The following KCNAB2 variants were observed in gnomAD, a reference collection of about 807,000 sequenced individuals.
The protein encoded by KCNAB2 is voltage-gated potassium channel subunit beta-2.
Under a neutral mutation model 63.6 loss-of-function variants are expected in KCNAB2, and 29 were observed. The ratio of observed to expected loss-of-function variants is 0.46; its 90% CI spans 0.34 to 0.62. The LOEUF is 0.62. Ranked by LOEUF, KCNAB2 falls within the 20% of genes least tolerant of loss-of-function variation. KCNAB2 has a pLI of 0.01. For missense variants in KCNAB2, 359 were observed against 563.9 expected, an observed-to-expected ratio of 0.64 and a Z score of 3.68; for synonymous variants, 222 against 224.2, an observed-to-expected ratio of 0.99 and a Z score of 0.09.
At chr1:6,083,280 C>T (rs1447543648) in intron 5 of KCNAB2, among the ~76,000 whole-genome samples, 2 of 152,206 alleles carry the variant, frequency 1.3e-5, no homozygotes, top group African/African-American at 2.4e-5. Flanking sequence ...AGGCACCTCC[C>T]GTCCCGAGCC....
In KCNAB2 at chr1:6,061,990, G is replaced by A. The variant is rs189543149; in HGVS notation, c.218+10236G>A. Among the ~76,000 whole-genome samples, 39 of 152,078 alleles carry A rather than the reference G, an allele frequency of 2.6e-4. 1 individual carries two copies. Among genetic ancestry groups the A allele is most frequent in the Admixed American group, 1.3e-4 (2 of 15,256 alleles). On this transcript the variant is annotated intron_variant, in intron 2 of 15. Transcript: ENST00000378083. Reference sequence around the variant, plus strand: ...GCTGTGTGTTTTATACAGACTTTCCGGCAAAGAATAAACCCACTGATTGCT... The same window carrying A: ...GCTGTGTGTTTTATACAGACTTTCCAGCAAAGAATAAACCCACTGATTGCT...
chr1:6,091,708 A>C (rs1665202836), intron 10 of KCNAB2, among the ~76,000 whole-genome samples: 1 of 151,484 alleles, frequency 6.6e-6, no homozygotes, highest in Non-Finnish European at 1.5e-5. Flanking sequence ...ACCCCAAAAC[A>C]CGCGGCCCCC....
At chr1:6,005,930 TCCACCC>T (rs1657657699) in intron 1 of KCNAB2, among the ~76,000 whole-genome samples, 1 of 72,734 alleles carries the variant, frequency 1.4e-5, no homozygotes, top group African/African-American at 8.2e-5. Flanking sequence ...ATCCCCCCAC[TCCACCC>T]TCACCCCTCA....
chr1:6,060,685 AC>A (rs1662233822), intron 2 of KCNAB2, among the ~76,000 whole-genome samples: 2 of 152,126 alleles, frequency 1.3e-5, no homozygotes. Flanking sequence ...GTGGCGGATC[AC>A]AAGGTCAAGA....
intron 1 of KCNAB2, among the ~76,000 whole-genome samples, chr1:6,048,964 C>T (rs926697995): frequency 1.3e-5 from 2 of 152,254 alleles, no homozygotes; most frequent in East Asian, 1.9e-4. Context: ...CCCTCCAGAG[C>T]GATTCTCCTG....
chr1:6,072,221 G>A (rs1317281228), intron 2 of KCNAB2, among the ~76,000 whole-genome samples: 1 of 152,218 alleles, frequency 6.6e-6, no homozygotes, highest in East Asian at 1.9e-4. Flanking sequence ...ACAAAGGAAG[G>A]GCTGGCCTTG....
chr1:6,041,632 C>T (rs1660505317), upstream of KCNAB2: 20 of 578,564 alleles, frequency 3.5e-5, no homozygotes, highest in East Asian at 4.9e-4. Flanking sequence ...CCGTGGCCAC[C>T]GGGTGGCGCT....
chr1:6,059,586 C>G (rs1158888414), intron 2 of KCNAB2, among the ~76,000 whole-genome samples: 2 of 152,266 alleles, frequency 1.3e-5, no homozygotes. Flanking sequence ...GGAGCACCAC[C>G]CATGTGCTGG....
At chr1:6,095,676 C>G (rs371802598) in intron 13 of KCNAB2, 52 bp downstream of exon 13, 6 of 1,548,540 alleles carry the variant, frequency 3.9e-6, no homozygotes, top group Non-Finnish European at 5.3e-6. Context: ...GCATTTTGGA[C>G]GGGTGGGACC....
rs1663899598 is a variant in KCNAB2 at position 6,078,564 on chromosome 1, C to T, written c.301-3631C>T. Among the ~76,000 whole-genome samples, 5 of 151,690 alleles carry T rather than the reference C, an allele frequency of 3.3e-5. No homozygotes were observed. Among genetic ancestry groups the T allele is most frequent in the Non-Finnish European group, 4.4e-5 (3 of 67,972 alleles). On this transcript the variant is annotated intron_variant, in intron 4 of 15. Transcript: ENST00000378083. This position sits in a 1 kb window ranked among gnomAD's most constrained non-coding sequence, Gnocchi z 4.2. Reference sequence around the variant, plus strand: ...GACAACCAAGGCACAGCCCTAAGGCCGAGTGTTGGGGAGAAGGGGATGCAG... The same window carrying T: ...GACAACCAAGGCACAGCCCTAAGGCTGAGTGTTGGGGAGAAGGGGATGCAG...
intron 7 of KCNAB2, 116 bp from the exon 8 acceptor site, chr1:6,088,890 CCA>C: frequency 2.1e-6 from 2 of 955,842 alleles, no homozygotes; most frequent in Middle Eastern, 2.2e-4. Flanking sequence ...GAATCCGACT[CCA>C]CACGGCATTT....
At chr1:6,058,928 T>G (rs1010461300) in intron 2 of KCNAB2, among the ~76,000 whole-genome samples, 6 of 152,154 alleles carry the variant, frequency 3.9e-5, no homozygotes, top group Admixed American at 3.9e-4. Context: ...GGGCACCACA[T>G]TGGAGCCTCG....
chr1:6,040,663 C>T lies in KCNAB2; in HGVS notation c.77+18C>T, dbSNP rs552829930. 2.6e-5 allele frequency: 40 copies of T among 1,515,044 alleles called. No homozygotes were observed. The Admixed American group carries it at 2.7e-4, about 10-fold the overall frequency. 93.9% of individuals were successfully genotyped at this position (1,515,044 alleles called of 1,614,324 possible). On this transcript the variant is annotated intron_variant, in intron 2 of 15. Coordinates refer to the KCNAB2 transcript ENST00000164247. ...ATCTACAGGTGACCCCCTGCCCCCTCACCCAGGCCCCCTCCCAGGGTCAGT... is the reference window on the plus strand; with the variant it reads ...ATCTACAGGTGACCCCCTGCCCCCTTACCCAGGCCCCCTCCCAGGGTCAGT...
intron 1 of KCNAB2, among the ~76,000 whole-genome samples, chr1:6,025,076 T>C (rs1659058599): frequency 6.6e-6 from 1 of 152,090 alleles, no homozygotes; most frequent in African/African-American, 2.4e-5. Context: ...CCTTCTCCCT[T>C]CTCCCTCCTG....
In KCNAB2 at chr1:6,003,365, G is replaced by A. The variant is rs900652142; in HGVS notation, c.-53+10577G>A. 2.6e-5 allele frequency among the ~76,000 whole-genome samples: 4 copies of A among 152,208 alleles called. No homozygotes were observed. Among genetic ancestry groups the A allele is most frequent in the South Asian group, 2.1e-4 (1 of 4,830 alleles). On this transcript the variant is annotated intron_variant, in intron 1 of 16. Transcript: ENST00000341524. The surrounding 1 kb of genome is among the most constrained non-coding windows in gnomAD (Gnocchi z 4.1). ...GGTCATGGGGTCAGAGGCAGGGTCC[G>A]TGTGGTGTGGAGCAGGGGTTCCTCC...
chr1:5,998,622 C>T (rs1441398807), intron 1 of KCNAB2, among the ~76,000 whole-genome samples: 4 of 152,060 alleles, frequency 2.6e-5, no homozygotes, highest in Non-Finnish European at 5.9e-5. Flanking sequence ...TTCCAGAGCC[C>T]GGGGAGGAGA....
intron 2 of KCNAB2, among the ~76,000 whole-genome samples, chr1:6,053,293 C>CT (rs1557457815): frequency 6.6e-6 from 1 of 152,116 alleles, no homozygotes; most frequent in East Asian, 1.9e-4. Flanking sequence ...TGAGAGTCTG[C>CT]TTGGCACCAG....
chr1:6,094,490 G>A lies in KCNAB2; in HGVS notation c.732+5G>A, dbSNP rs115915191. 5.6e-4 allele frequency: 900 copies of A among 1,605,846 alleles called. 4 individuals are homozygous for A. The African/African-American group carries it at 0.011, about 19-fold the overall frequency. ...TGGAGCTCCATGGAGATCATGGTAC[G>A]GTGGCCGCGCAGCATGTGTGTGTCC... is the stretch of plus-strand genomic sequence containing the variant. On this transcript the variant is annotated splice_donor_5th_base_variant and intron_variant, in intron 11 of 15. Coordinates refer to ENST00000378083, the MANE Select transcript of KCNAB2 (RefSeq NM_001199862.2).
upstream of KCNAB2, among the ~76,000 whole-genome samples, chr1:6,033,443 G>A (rs554928821): frequency 6.6e-5 from 10 of 152,006 alleles, no homozygotes; most frequent in African/African-American, 1.9e-4. Context: ...TGTGGTGTGC[G>A]TGTGTGTGCC....
Sources: gnomAD v4.1 joint callset for allele counts (sites outside exome capture counted in the v4.1 genomes callset) on GRCh38, gnomAD v4.1.1 for gene constraint, Gnocchi (gnomAD v3.1) non-coding constraint, MANE v1.5 for transcripts, NCBI Gene and HGNC (gene_info 2026-07-23, HGNC 2026-07-21) for gene names.